The following BACH2 variants were observed in gnomAD, a reference collection of about 807,000 sequenced individuals.
The protein encoded by BACH2 is BACH transcriptional regulator 2.
BACH2 carries 5 observed loss-of-function variants against 61.8 expected under a neutral mutation model. That is an observed-to-expected ratio of 0.08 (90% CI 0.04 to 0.17). The LOEUF (loss-of-function observed/expected upper bound fraction) is 0.17. Among genes scored for constraint, BACH2 ranks in the 10% least tolerant of loss-of-function variants. The pLI, the probability that BACH2 is intolerant of heterozygous loss-of-function variation, is 1.00. For missense variants in BACH2, 824 were observed against 1,091.1 expected, an observed-to-expected ratio of 0.76 and a Z score of 3.45; for synonymous variants, 446 against 440.1, an observed-to-expected ratio of 1.01 and a Z score of -0.17.
At chr6:90,133,595 G>T (rs1360874528) in intron 4 of BACH2, among the ~76,000 whole-genome samples, 1 of 151,698 alleles carries the variant, frequency 6.6e-6, no homozygotes, top group African/African-American at 2.4e-5. Context: ...CAACGTGCAG[G>T]TTTGTTACAT....
chr6:90,099,907 C>A (rs796367407), intron 4 of BACH2, among the ~76,000 whole-genome samples: 11 of 152,182 alleles, frequency 7.2e-5, no homozygotes, highest in African/African-American at 2.6e-4. Flanking sequence ...AAAAAGAAAA[C>A]CTACACCCAT....
intron 2 of BACH2, among the ~76,000 whole-genome samples, chr6:90,252,894 TAA>T (rs1489217500): frequency 6.6e-6 from 1 of 152,226 alleles, no homozygotes; most frequent in African/African-American, 2.4e-5. Flanking sequence ...GCTGCATTAA[TAA>T]AGACACTGTT....
chr6:90,198,558 C>T (rs1768843949), intron 4 of BACH2, among the ~76,000 whole-genome samples: 1 of 152,178 alleles, frequency 6.6e-6, no homozygotes, highest in Non-Finnish European at 1.5e-5. Context: ...TACCTCCTAC[C>T]TCTTCAGACT....
chr6:90,219,556 C>T (rs1280037961), intron 3 of BACH2, among the ~76,000 whole-genome samples: 1 of 152,170 alleles, frequency 6.6e-6, no homozygotes, highest in Non-Finnish European at 1.5e-5. Flanking sequence ...CTTTACCTGA[C>T]ATGGCAGCGG....
intron 5 of BACH2, among the ~76,000 whole-genome samples, chr6:90,037,922 G>A (rs984604573): frequency 6.6e-6 from 1 of 152,164 alleles, no homozygotes; most frequent in Non-Finnish European, 1.5e-5. Context: ...TGAGAGTGAT[G>A]TGGCTACAAG....
At chr6:90,204,670 A>C (rs1159197845) in intron 4 of BACH2, among the ~76,000 whole-genome samples, 2 of 152,206 alleles carry the variant, frequency 1.3e-5, no homozygotes, top group African/African-American at 4.8e-5. Context: ...CTGTCACAGC[A>C]AACTGCATTT....
Position 90,061,827 on chromosome 6 carries a change from G to A in BACH2, c.-13+27134C>T, listed in dbSNP as rs1780700883. Among the ~76,000 whole-genome samples, 3 of 152,210 alleles carry A rather than the reference G, an allele frequency of 2.0e-5. No individual in the cohort carries two copies. The South Asian group carries it at 6.2e-4, about 32-fold the overall frequency. ...CTGAGGAAGATGCGGCAACAAGGTG[G>A]TCATTGGTAGCTTTGATCTGAACAG... is the stretch of plus-strand genomic sequence containing the variant. On this transcript the variant is annotated intron_variant, in intron 5 of 8. Transcript: ENST00000257749.
intron 4 of BACH2, among the ~76,000 whole-genome samples, chr6:90,169,397 G>A (rs1175588827): frequency 6.6e-6 from 1 of 152,194 alleles, no homozygotes; most frequent in South Asian, 2.1e-4. Flanking sequence ...CATGAATAAC[G>A]TTCTGCAATA....
At chr6:90,124,379 A>C (rs1783762111) in intron 4 of BACH2, among the ~76,000 whole-genome samples, 1 of 152,234 alleles carries the variant, frequency 6.6e-6, no homozygotes, top group African/African-American at 2.4e-5. Flanking sequence ...TGTATTTCCA[A>C]GTGTTTATTC....
intron 4 of BACH2, among the ~76,000 whole-genome samples, chr6:90,132,640 T>G (rs1784117408): frequency 6.6e-6 from 1 of 152,186 alleles, no homozygotes; most frequent in African/African-American, 2.4e-5. Flanking sequence ...GCTACACCAT[T>G]ACAAGAACCT....
intron 5 of BACH2, among the ~76,000 whole-genome samples, chr6:90,014,673 C>G (rs957270160): frequency 6.6e-6 from 1 of 151,060 alleles, no homozygotes; most frequent in African/African-American, 2.4e-5. Context: ...ACGGGTTTCA[C>G]CACGTTGGCC....
chr6:90,131,042 G>A (rs531153279), intron 4 of BACH2, among the ~76,000 whole-genome samples: 3 of 152,248 alleles, frequency 2.0e-5, no homozygotes, highest in Non-Finnish European at 2.9e-5. Context: ...TCCTGAGAGC[G>A]GAAGATTGAC....
intron 6 of BACH2, among the ~76,000 whole-genome samples, chr6:89,965,784 T>C (rs964436913): frequency 6.6e-6 from 1 of 152,208 alleles, no homozygotes; most frequent in African/African-American, 2.4e-5. Flanking sequence ...TGGAAAATAT[T>C]ATTTTCTTCT....
intron 3 of BACH2, among the ~76,000 whole-genome samples, chr6:90,210,797 G>T (rs929484908): frequency 2.6e-5 from 4 of 152,270 alleles, no homozygotes; most frequent in African/African-American, 9.6e-5. Flanking sequence ...GATCCTAACA[G>T]TTGGTTCAAT....
At chr6:89,971,826 C>T (rs1037943681) in intron 6 of BACH2, among the ~76,000 whole-genome samples, 5 of 152,144 alleles carry the variant, frequency 3.3e-5, no homozygotes, top group Non-Finnish European at 7.3e-5. Flanking sequence ...TGGGGGAAAC[C>T]GCCCCCGTGA....
chr6:90,284,611 G>A (rs1207770482), intron 1 of BACH2, among the ~76,000 whole-genome samples: 1 of 152,016 alleles, frequency 6.6e-6, no homozygotes, highest in Admixed American at 6.5e-5. Context: ...ATTTCTAAAC[G>A]ATGAAATGAT....
intron 5 of BACH2, among the ~76,000 whole-genome samples, chr6:90,020,025 A>G (rs1009216486): frequency 1.3e-5 from 2 of 152,202 alleles, no homozygotes; most frequent in African/African-American, 2.4e-5. Flanking sequence ...AATCTAAAAT[A>G]TATCACTTTC....
chr6:90,179,931 G>A (rs922827268), intron 4 of BACH2, among the ~76,000 whole-genome samples: 13 of 151,978 alleles, frequency 8.6e-5, no homozygotes, highest in African/African-American at 3.1e-4. Context: ...CCATGAGTAG[G>A]GCAATTGTAG....
rs1306247591 is a variant in BACH2, at chr6:89,929,128, A to G, written c.*3280T>C. On this transcript the variant is annotated 3_prime_UTR_variant, in exon 9 of 9. Transcript: ENST00000257749. ...TCACCTCCACTGGCTCTGCCCCAACAACCATTCCTACCCCAGCCATTTGGA... is the reference window on the plus strand; with the variant it reads ...TCACCTCCACTGGCTCTGCCCCAACGACCATTCCTACCCCAGCCATTTGGA... The G allele has an allele frequency of 3.3e-5, 5 of 152,194 alleles. No individual in the cohort carries two copies. Among genetic ancestry groups the G allele is most frequent in the African/African-American group, 9.7e-5 (4 of 41,392 alleles). The allele number at this position is 152,194 out of a possible 1,614,324, so 9.4% of individuals were successfully genotyped here.
Sources: gnomAD v4.1 joint callset for allele counts (sites outside exome capture counted in the v4.1 genomes callset) on GRCh38, gnomAD v4.1.1 for gene constraint, MANE v1.5 for transcripts, NCBI Gene and HGNC (gene_info 2026-07-23, HGNC 2026-07-21) for gene names.